The following MPPED2 variants were observed in gnomAD, a reference collection of about 807,000 sequenced individuals.
MPPED2 encodes metallophosphoesterase domain containing 2.
A neutral mutation model predicts 33.0 loss-of-function variants in MPPED2; 5 were observed. That is an observed-to-expected ratio of 0.15 (90% confidence interval 0.08 to 0.32). The LOEUF is 0.32. Ranked by LOEUF, MPPED2 falls within the 10% of genes least tolerant of loss-of-function variation. The pLI is 1.00. For missense variants in MPPED2, 275 were observed against 372.1 expected (o/e 0.74, Z 2.15); for synonymous variants, 136 against 141.9 (o/e 0.96, Z 0.29).
chr11:30,387,270 T>C (rs1029875022), exon 7 of MPPED2: 1 of 152,662 alleles, frequency 6.6e-6, no homozygotes, highest in Non-Finnish European at 1.5e-5. Flanking sequence ...TAAGTTTTCC[T>C]AAAATCTGCA....
At chr11:30,553,579 C>T (rs1028649521) in intron 2 of MPPED2, among the ~76,000 whole-genome samples, 4 of 152,188 alleles carry the variant, frequency 2.6e-5, no homozygotes, top group African/African-American at 7.2e-5. Context: ...CTTCTAGGCA[C>T]AGTAGCTGGA....
intron 3 of MPPED2, among the ~76,000 whole-genome samples, chr11:30,522,419 CACA>C (rs1565150591): frequency 2.7e-5 from 4 of 147,720 alleles, no homozygotes; most frequent in Non-Finnish European, 4.5e-5. Flanking sequence ...CACACACACA[CACA>C]CCTAGAAAGA....
intron 2 of MPPED2, among the ~76,000 whole-genome samples, chr11:30,553,223 A>G: frequency 6.6e-6 from 1 of 152,220 alleles, no homozygotes; most frequent in South Asian, 2.1e-4. Flanking sequence ...CACTTTTTAA[A>G]TAACAGACCA....
chr11:30,580,320 G>A lies in MPPED2; in HGVS notation c.54C>T (p.Tyr18=). The change falls in exon 2 of 7, where the codon TAC becomes TAT. Residue 18 remains tyrosine, a synonymous_variant. Coordinates refer to ENST00000358117, the MANE Select transcript of MPPED2 (RefSeq NM_001584.3). ...QGKVTITVDE[Y]SSNPTQAFTH... is the part of the protein sequence containing the mutation. The stretch of plus-strand genomic sequence containing the variant: ...TGAATGCCTGGGTGGGGTTTGAGCT[G>A]TACTCATCCACCGTTATGGTAACTT... The A allele has an allele frequency of 6.2e-7, 1 of 1,614,044 alleles. No individual in the cohort carries two copies. The highest frequency in any genetic ancestry group is 8.5e-7 in the Non-Finnish European group (1 of 1,179,966).
chr11:30,397,433 G>A (rs1252212218), intron 6 of MPPED2, among the ~76,000 whole-genome samples: 2 of 152,042 alleles, frequency 1.3e-5, no homozygotes, highest in African/African-American at 2.4e-5. Context: ...GATATTCGTT[G>A]ACTTCGTAAT....
At chr11:30,537,419 T>G (rs1954870517) in intron 2 of MPPED2, among the ~76,000 whole-genome samples, 1 of 152,186 alleles carries the variant, frequency 6.6e-6, no homozygotes. Context: ...GAGAACACAC[T>G]GAAAGCTCCA....
intron 4 of MPPED2, among the ~76,000 whole-genome samples, chr11:30,493,910 C>T (rs771005921): frequency 2.6e-5 from 4 of 152,174 alleles, no homozygotes; most frequent in Non-Finnish European, 5.9e-5. Flanking sequence ...TCCTTTAAAA[C>T]CTGACAACTG....
In MPPED2 at chr11:30,431,449, G is replaced by C. The variant is rs113485303; in HGVS notation, c.537-13816C>G. ...AGATAATTATATTATCTATGGCAAT[G>C]ACACATTGTTGGGAACATTAAATGA... On this transcript the variant is annotated intron_variant, in intron 4 of 6. Coordinates refer to ENST00000358117, the MANE Select transcript of MPPED2 (RefSeq NM_001584.3). 5.9e-3 allele frequency among the ~76,000 whole-genome samples: 894 copies of C among 152,306 alleles called. 15 individuals carry two copies. Among genetic ancestry groups the C allele is most frequent in the African/African-American group, 0.021 (854 of 41,556 alleles).
intron 2 of MPPED2, among the ~76,000 whole-genome samples, chr11:30,551,884 T>C (rs1955730586): frequency 6.6e-6 from 1 of 152,186 alleles, no homozygotes; most frequent in Admixed American, 6.5e-5. Context: ...GAAGAAGTAA[T>C]GAGAATGCAC....
At chr11:30,395,547 T>C (rs561167391) in intron 6 of MPPED2, among the ~76,000 whole-genome samples, 4 of 152,112 alleles carry the variant, frequency 2.6e-5, no homozygotes, top group Admixed American at 2.6e-4. Context: ...TCAAAAATCA[T>C]TTATATTAGA....
At chr11:30,577,334 G>A (rs549039962) in intron 2 of MPPED2, among the ~76,000 whole-genome samples, 2 of 152,140 alleles carry the variant, frequency 1.3e-5, no homozygotes, top group Non-Finnish European at 2.9e-5. Flanking sequence ...CATCATTAAA[G>A]GGATAGGGTT....
chr11:30,481,410 C>A (rs960368097), intron 4 of MPPED2, among the ~76,000 whole-genome samples: 2 of 152,084 alleles, frequency 1.3e-5, no homozygotes, highest in Non-Finnish European at 2.9e-5. Context: ...CAAATTTCAC[C>A]ATCTGGTCCC....
intron 2 of MPPED2, among the ~76,000 whole-genome samples, chr11:30,546,113 C>G (rs1034545636): frequency 6.6e-6 from 1 of 152,178 alleles, no homozygotes; most frequent in African/African-American, 2.4e-5. Context: ...AGTCACCGTG[C>G]CCGGCCACAA....
chr11:30,400,185 A>T (rs1947890786), intron 6 of MPPED2, among the ~76,000 whole-genome samples: 1 of 152,066 alleles, frequency 6.6e-6, no homozygotes, highest in Non-Finnish European at 1.5e-5. Flanking sequence ...TCAGCCTCCT[A>T]ATCAGCCTCC....
downstream of MPPED2, among the ~76,000 whole-genome samples, chr11:30,406,462 G>T (rs1285758050): frequency 1.3e-5 from 2 of 152,190 alleles, no homozygotes; most frequent in Non-Finnish European, 2.9e-5. Flanking sequence ...CACCAGGGAA[G>T]ATTGGAGCTT....
At chr11:30,401,372 G>A (rs538445649) in intron 6 of MPPED2, among the ~76,000 whole-genome samples, 1 of 152,280 alleles carries the variant, frequency 6.6e-6, no homozygotes, top group East Asian at 1.9e-4. Context: ...CCCAGCACAG[G>A]AGGGCCTTAT....
intron 4 of MPPED2, among the ~76,000 whole-genome samples, chr11:30,469,156 C>A (rs1950844590): frequency 6.6e-6 from 1 of 152,132 alleles, no homozygotes; most frequent in African/African-American, 2.4e-5. Flanking sequence ...AATAAATATA[C>A]AATAGCAGGC....
intron 2 of MPPED2, among the ~76,000 whole-genome samples, chr11:30,550,381 T>C (rs1955644013): frequency 6.6e-6 from 1 of 152,190 alleles, no homozygotes; most frequent in Non-Finnish European, 1.5e-5. Flanking sequence ...ATAATTTTTC[T>C]TTGTTTGCCC....
intron 2 of MPPED2, among the ~76,000 whole-genome samples, chr11:30,558,421 A>C (rs899762844): frequency 3.3e-5 from 4 of 120,818 alleles, no homozygotes; most frequent in African/African-American, 1.3e-4. Context: ...TTTTTTTTTT[A>C]TTTTTTATTT....
Sources: allele counts gnomAD v4.1 joint callset (sites outside exome capture counted in the v4.1 genomes callset), GRCh38; gene constraint gnomAD v4.1.1; transcripts MANE v1.5; gene names NCBI Gene and HGNC (gene_info 2026-07-23, HGNC 2026-07-21).